SLBP: variants seen among roughly 807,000 people sequenced by gnomAD.
The protein encoded by SLBP is histone RNA hairpin-binding protein.
Under a neutral mutation model 39.2 loss-of-function variants are expected in SLBP, and 29 were observed. The observed-to-expected ratio is 0.74, with a 90% CI of 0.55 to 1.01. The LOEUF is 1.01. Ranked by LOEUF, SLBP falls within the 50% of genes least tolerant of loss-of-function variation. SLBP has a pLI of 0.00. For synonymous variants in SLBP, 129 were observed against 118.7 expected (o/e 1.09, Z -0.57); for missense variants, 390 against 350.2 (o/e 1.11, Z -0.91).
intron 5 of SLBP, among the ~76,000 whole-genome samples, chr4:1,696,754 C>T (rs1054063423): frequency 1.1e-4 from 17 of 152,022 alleles, no homozygotes; most frequent in South Asian, 2.1e-4. Flanking sequence ...AAAAATTAGC[C>T]GGGCGTGGTG....
chr4:1,706,033 C>T (rs1478222176), intron 2 of SLBP, among the ~76,000 whole-genome samples: 1 of 152,162 alleles, frequency 6.6e-6, no homozygotes, highest in African/African-American at 2.4e-5. Flanking sequence ...CTTGTAATCC[C>T]AGCACTTTGG....
chr4:1,709,799 G>A (rs1405427657), intron 2 of SLBP, among the ~76,000 whole-genome samples: 1 of 152,174 alleles, frequency 6.6e-6, no homozygotes, highest in African/African-American at 2.4e-5. Context: ...TTTTAGTAGA[G>A]ACGGGTTTTC....
chr4:1,697,943 T>C (rs543048518), intron 5 of SLBP, among the ~76,000 whole-genome samples: 2 of 151,662 alleles, frequency 1.3e-5, no homozygotes, highest in African/African-American at 4.8e-5. Flanking sequence ...CTGGGCGACA[T>C]AGGGAGACTC....
chr4:1,695,134 G>A (rs1716060064), intron 6 of SLBP, among the ~76,000 whole-genome samples: 1 of 152,174 alleles, frequency 6.6e-6, no homozygotes, highest in East Asian at 1.9e-4. Flanking sequence ...GGGGAGAAAT[G>A]AGCACTGTGA....
intron 5 of SLBP, among the ~76,000 whole-genome samples, chr4:1,697,469 A>AAAAT (rs1046148864): frequency 7.2e-5 from 11 of 152,126 alleles, no homozygotes; most frequent in East Asian, 3.9e-4. Flanking sequence ...CTCCGTCTCA[A>AAAAT]AAATAAATAA....
Position 1,696,182 on chromosome 4 carries a change from A to G in SLBP, c.629+20T>C. On this transcript the variant is annotated intron_variant, in intron 6 of 7. Coordinates refer to ENST00000489418, the MANE Select transcript of SLBP (RefSeq NM_006527.4). Reference sequence around the variant, plus strand: ...GGACCAATCAGAGAATCACAGGACAAGAATGCAATAAAGACATACATTTCT... The same window carrying G: ...GGACCAATCAGAGAATCACAGGACAGGAATGCAATAAAGACATACATTTCT... 6.4e-7 allele frequency: 1 copy of G among 1,570,880 alleles called. No homozygotes were observed. The highest frequency in any genetic ancestry group is 1.2e-5 in the South Asian group (1 of 84,294).
At chr4:1,709,841 G>A (rs1026579785) in intron 2 of SLBP, among the ~76,000 whole-genome samples, 1 of 152,186 alleles carries the variant, frequency 6.6e-6, no homozygotes, top group Non-Finnish European at 1.5e-5. Context: ...TCCATCTCCT[G>A]ACCTCGTGAT....
chr4:1,708,292 C>G (rs1716601374), intron 2 of SLBP, among the ~76,000 whole-genome samples: 1 of 152,112 alleles, frequency 6.6e-6, no homozygotes, highest in South Asian at 2.1e-4. Context: ...AACAAATAAG[C>G]AACCTATTTT....
chr4:1,693,796 G>T (rs1363816537), intron 7 of SLBP, 83 bp from the exon 8 acceptor site: 2 of 796,090 alleles, frequency 2.5e-6, no homozygotes, highest in East Asian at 4.9e-5. Context: ...TCCTTATGTG[G>T]TAAATCATGT....
At position 1,694,731 on chromosome 4, in the gene SLBP, C is replaced by T. The variant is rs1303686791; in HGVS notation, c.696+43G>A. On this transcript the variant is annotated intron_variant, in intron 7 of 7. Coordinates refer to ENST00000489418, the MANE Select transcript of SLBP (RefSeq NM_006527.4). ...AAGGCAGCATGTGTTATTAACAATT[C>T]ACCTGCAACCCCCAAGCTGAAAGAC... 4.3e-6 allele frequency: 6 copies of T among 1,402,942 alleles called. No homozygotes were observed. In the Admixed American group the frequency reaches 1.0e-4, roughly 24 times the overall value. 86.9% of individuals were successfully genotyped at this position (1,402,942 alleles called of 1,614,324 possible).
At chr4:1,711,077 T>C (rs1439146364) in intron 2 of SLBP, among the ~76,000 whole-genome samples, 2 of 133,334 alleles carry the variant, frequency 1.5e-5, no homozygotes, top group Admixed American at 7.5e-5. Context: ...AAAAAAAAAG[T>C]AACGCAAAGG....
chr4:1,697,413 G>A (rs1716151010), intron 5 of SLBP, among the ~76,000 whole-genome samples: 2 of 152,040 alleles, frequency 1.3e-5, no homozygotes, highest in Non-Finnish European at 2.9e-5. Flanking sequence ...AGGTTGCAGT[G>A]AGCCAAAATC....
chr4:1,693,492 A>AACAGAGAAACCACCAGGTACAAGTGC lies in SLBP; in HGVS notation c.*79_*104dup, dbSNP rs1715992027. On this transcript the variant is annotated 3_prime_UTR_variant, in exon 8 of 8. Coordinates refer to ENST00000489418, the MANE Select transcript of SLBP (RefSeq NM_006527.4). ...ATTCAGCATGAGCTAATGGACTGCT[A>AACAGAGAAACCACCAGGTACAAGTGC]ACAGAGAAACCACCAGGTACAAGTG... The AACAGAGAAACCACCAGGTACAAGTGC allele has an allele frequency of 1.4e-6, 1 of 722,424 alleles. No individual in the cohort carries two copies. Among genetic ancestry groups the AACAGAGAAACCACCAGGTACAAGTGC allele is most frequent in the Admixed American group, 2.1e-5 (1 of 47,488 alleles). The allele number at this position is 722,424 out of a possible 1,614,324, so 44.8% of individuals were successfully genotyped here.
chr4:1,711,733 G>C (rs988874589), intron 2 of SLBP, 141 bp downstream of exon 2: 2 of 422,652 alleles, frequency 4.7e-6, no homozygotes, highest in East Asian at 3.7e-5. Context: ...CCCAGTCCAC[G>C]GGCCGCGCGG....
intron 2 of SLBP, among the ~76,000 whole-genome samples, chr4:1,708,085 GAAA>G (rs35817560): frequency 9.0e-6 from 1 of 111,426 alleles, no homozygotes; most frequent in Non-Finnish European, 1.8e-5. Flanking sequence ...TCTCAAAAAC[GAAA>G]AAAAAAAAAA....
intron 3 of SLBP, among the ~76,000 whole-genome samples, chr4:1,701,248 C>A (rs546456580): frequency 6.7e-6 from 1 of 148,256 alleles, no homozygotes; most frequent in Non-Finnish European, 1.5e-5. Context: ...CGGGTCCAAG[C>A]GATTCTCCTG....
chr4:1,708,559 G>T (rs991095156), intron 2 of SLBP, among the ~76,000 whole-genome samples: 1 of 152,180 alleles, frequency 6.6e-6, no homozygotes, highest in Non-Finnish European at 1.5e-5. Flanking sequence ...GTATCAAGAG[G>T]TTCAAGTCTG....
At position 1,699,654 on chromosome 4, in the gene SLBP, G is replaced by C; in HGVS notation, c.389C>G (p.Thr130Arg). 2 of 1,613,402 alleles carry C rather than the reference G, an allele frequency of 1.2e-6. No homozygotes were observed. The highest frequency in any genetic ancestry group is 1.7e-6 in the Non-Finnish European group (2 of 1,179,384). Residue 130 changes from threonine to arginine, a missense_variant, in exon 5 of 8, where the codon ACA (threonine) becomes AGA (arginine). Physicochemically the swap from Thr to Arg is moderately conservative, Grantham distance 71 (BLOSUM62 -1). Transcript: ENST00000489418. ...SMSTVPADFE[T>R]DESVLMRRQK... ...TCTCCTCATTAGGACACTTTCATCTGTCTCAAAGTCAGCCGGCACAGTAGA... is the reference window on the plus strand; with the variant it reads ...TCTCCTCATTAGGACACTTTCATCTCTCTCAAAGTCAGCCGGCACAGTAGA...
At position 1,712,276 on chromosome 4, in the gene SLBP, C is replaced by T; in HGVS notation, c.-88G>A. 1.2e-6 allele frequency: 1 copy of T among 847,164 alleles called. No individual in the cohort carries two copies. The highest frequency in any genetic ancestry group is 1.6e-6 in the Non-Finnish European group (1 of 616,064). 52.5% of individuals were successfully genotyped at this position (847,164 alleles called of 1,614,324 possible). A position where few individuals can be genotyped will look rare whatever the true frequency, so the allele number is the denominator to read the frequency against. ...AGCGCAGAGTAGAGCAGGGCAGGGC[C>T]TGAGGCAGAAACCCGCGTCCCCGCG... On this transcript the variant is annotated 5_prime_UTR_variant, in exon 1 of 8. Coordinates refer to ENST00000489418, the MANE Select transcript of SLBP (RefSeq NM_006527.4).
Sources: allele counts gnomAD v4.1 joint callset (sites outside exome capture counted in the v4.1 genomes callset), GRCh38; gene constraint gnomAD v4.1.1; transcripts MANE v1.5; gene names NCBI Gene and HGNC (gene_info 2026-07-23, HGNC 2026-07-21).